The following CUX1 variants were observed in gnomAD, a reference collection of about 807,000 sequenced individuals.
The protein encoded by CUX1 is protein CASP.
In CUX1, 31 loss-of-function variants were observed where a neutral mutation model predicts 158.8. The observed-to-expected ratio is 0.20, with a 90% CI of 0.15 to 0.26. The LOEUF (loss-of-function observed/expected upper bound fraction) is 0.26, where lower values mean the gene tolerates loss of function less well. Among genes scored for constraint, CUX1 ranks in the 10% least tolerant of loss-of-function variants. CUX1 has a pLI of 1.00. For synonymous variants in CUX1, 879 were observed against 862.1 expected (o/e 1.02, Z -0.34); for missense variants, 1,589 against 2,014.6 (o/e 0.79, Z 4.04).
chr7:102,109,405 G>A (rs559718187), intron 6 of CUX1, among the ~76,000 whole-genome samples: 2 of 152,334 alleles, frequency 1.3e-5, no homozygotes, highest in South Asian at 2.1e-4. Context: ...TGTTGGCAGA[G>A]TATACGAAAA....
At chr7:102,023,223 C>CA (rs1370308913) in intron 2 of CUX1, among the ~76,000 whole-genome samples, 1 of 151,980 alleles carries the variant, frequency 6.6e-6, no homozygotes, top group Non-Finnish European at 1.5e-5. Flanking sequence ...CCCCTCCCCG[C>CA]AAAAAAGTTT....
rs1158049187 is a variant in CUX1 at position 102,252,407 on chromosome 7, CTA to C, written c.*3367_*3368del. The C allele has an allele frequency of 1.0e-6, 1 of 985,482 alleles. No individual in the cohort carries two copies. The highest frequency in any genetic ancestry group is 1.2e-6 in the Non-Finnish European group (1 of 829,962). The allele number at this position is 985,482 out of a possible 1,614,324, so 61.0% of individuals were successfully genotyped here. A position where few individuals can be genotyped will look rare whatever the true frequency, so the allele number is the denominator to read the frequency against. ...AGCCGACCCCCTTCCTCTTCACGCT[CTA>C]TGAGTTTAAAAAGCTGATTTGTACC... On this transcript the variant is annotated 3_prime_UTR_variant, in exon 24 of 24. Transcript: ENST00000292535.
chr7:101,898,362 C>T (rs931128742), intron 1 of CUX1, among the ~76,000 whole-genome samples: 11 of 152,126 alleles, frequency 7.2e-5, no homozygotes, highest in African/African-American at 1.9e-4. Flanking sequence ...GTCAGCAGCT[C>T]ACTGGCTCTG....
chr7:102,091,593 C>A (rs1268822821), intron 4 of CUX1, among the ~76,000 whole-genome samples: 1 of 152,184 alleles, frequency 6.6e-6, no homozygotes, highest in African/African-American at 2.4e-5. Flanking sequence ...CCTCAGCCTC[C>A]CAAAGCACTG....
At chr7:102,147,271 A>T (rs2131455789) in intron 8 of CUX1, among the ~76,000 whole-genome samples, 1 of 152,274 alleles carries the variant, frequency 6.6e-6, no homozygotes, top group Admixed American at 6.5e-5. Context: ...GGCAAGTCAT[A>T]CAGATGAGGG....
chr7:102,219,867 G>A (rs1797637609), intron 20 of CUX1, among the ~76,000 whole-genome samples: 1 of 152,244 alleles, frequency 6.6e-6, no homozygotes, highest in South Asian at 2.1e-4. Flanking sequence ...TAATGGAGAT[G>A]GAGGACTGTT....
At chr7:102,155,857 C>T (rs1404682888) in intron 8 of CUX1, among the ~76,000 whole-genome samples, 3 of 152,126 alleles carry the variant, frequency 2.0e-5, no homozygotes, top group Non-Finnish European at 4.4e-5. Context: ...TGACCCTTCC[C>T]CACTCCCTGC....
At chr7:102,224,820 G>A (rs1429819442) in intron 20 of CUX1, among the ~76,000 whole-genome samples, 2 of 152,186 alleles carry the variant, frequency 1.3e-5, no homozygotes, top group Non-Finnish European at 2.9e-5. Flanking sequence ...ACAGCAGCCG[G>A]CACCACACTC....
chr7:101,913,281 C>A, intron 1 of CUX1: 1 of 941,376 alleles, frequency 1.1e-6, no homozygotes, highest in Non-Finnish European at 1.5e-6. Context: ...TGGCGGGTGG[C>A]GGCTCGGTGT....
At chr7:102,027,265 C>T (rs1820154431) in intron 2 of CUX1, among the ~76,000 whole-genome samples, 1 of 152,090 alleles carries the variant, frequency 6.6e-6, no homozygotes, top group East Asian at 1.9e-4. Flanking sequence ...CCCACTTACT[C>T]GGGAGGCTGA....
chr7:102,270,662 A>G (rs1282635212), intron 14 of CUX1, among the ~76,000 whole-genome samples: 4 of 151,956 alleles, frequency 2.6e-5, no homozygotes, highest in African/African-American at 9.7e-5. Flanking sequence ...GCCTCCCCCA[A>G]CCACTCAGCC....
intron 2 of CUX1, among the ~76,000 whole-genome samples, chr7:101,931,520 G>T (rs920841719): frequency 1.3e-5 from 2 of 152,170 alleles, no homozygotes; most frequent in African/African-American, 4.8e-5. Flanking sequence ...GGAAACTGAG[G>T]CCCAGAGAGG....
chr7:101,945,402 A>G (rs1368475522), intron 2 of CUX1, among the ~76,000 whole-genome samples: 1 of 152,220 alleles, frequency 6.6e-6, no homozygotes, highest in African/African-American at 2.4e-5. Flanking sequence ...TTAAATTGCG[A>G]GTACATTTCC....
At chr7:102,081,939 A>G (rs1320977632) in intron 4 of CUX1, among the ~76,000 whole-genome samples, 1 of 146,588 alleles carries the variant, frequency 6.8e-6, no homozygotes, top group East Asian at 1.9e-4. Flanking sequence ...GTATTTCTTT[A>G]TAGCAGTGTG....
intron 3 of CUX1, among the ~76,000 whole-genome samples, chr7:102,034,766 A>AAAG (rs1420715609): frequency 1.3e-5 from 2 of 150,744 alleles, no homozygotes; most frequent in Non-Finnish European, 3.0e-5. Context: ...AAAAAAAAAA[A>AAAG]AATACAAAAA....
intron 3 of CUX1, among the ~76,000 whole-genome samples, chr7:102,052,377 AAAT>A (rs1425286703): frequency 1.3e-5 from 2 of 152,196 alleles, no homozygotes; most frequent in African/African-American, 2.4e-5. Flanking sequence ...CAATGAGATC[AAAT>A]AATATATTAG....
At chr7:101,990,582 G>A (rs888268068) in intron 2 of CUX1, among the ~76,000 whole-genome samples, 14 of 151,992 alleles carry the variant, frequency 9.2e-5, no homozygotes, top group African/African-American at 3.4e-4. Flanking sequence ...TCACCATGTT[G>A]GCCAGGCTGA....
intron 8 of CUX1, among the ~76,000 whole-genome samples, chr7:102,146,451 C>T (rs558039487): frequency 2.0e-4 from 30 of 152,266 alleles, no homozygotes; most frequent in African/African-American, 6.0e-4. Flanking sequence ...CAGCTATACT[C>T]GGACTGGCTA....
chr7:101,825,071 C>T (rs966693862), intron 1 of CUX1, among the ~76,000 whole-genome samples: 16 of 152,188 alleles, frequency 1.1e-4, no homozygotes, highest in Admixed American at 1.0e-3. Context: ...TGTGTCCTCG[C>T]CGAGAGCGTA....
Sources: gnomAD v4.1 joint callset for allele counts (sites outside exome capture counted in the v4.1 genomes callset) on GRCh38, gnomAD v4.1.1 for gene constraint, MANE v1.5 for transcripts, NCBI Gene and HGNC (gene_info 2026-07-23, HGNC 2026-07-21) for gene names.